The following TSC22D1 variants were observed in gnomAD, a reference collection of about 807,000 sequenced individuals.
TSC22D1 encodes the protein TSC22 domain family protein 1.
TSC22D1 carries 9 observed loss-of-function variants against 74.2 expected under a neutral mutation model. That is an observed-to-expected ratio of 0.12 (90% CI 0.07 to 0.21). The LOEUF (loss-of-function observed/expected upper bound fraction) is 0.21. TSC22D1 is among the 10% of genes least tolerant of loss of function. The probability of loss-of-function intolerance (pLI) is 1.00; values close to 1 mark genes in which losing one functional copy is unlikely to be tolerated. For synonymous variants in TSC22D1, 586 were observed against 492.5 expected, an observed-to-expected ratio of 1.19 and a Z score of -2.51; for missense variants, 1,427 against 1,304.7, an observed-to-expected ratio of 1.09 and a Z score of -1.44.
At chr13:44,538,010 A>G in intron 1 of TSC22D1, 1 of 985,328 alleles carries the variant, frequency 1.0e-6, no homozygotes, top group Non-Finnish European at 1.2e-6. Context: ...GATACCAAAG[A>G]AAGAAACAGA....
At chr13:44,446,875 C>A (rs1566115980) in intron 1 of TSC22D1, among the ~76,000 whole-genome samples, 3 of 151,610 alleles carry the variant, frequency 2.0e-5, no homozygotes, top group South Asian at 2.1e-4. Context: ...GAAAAAGAAA[C>A]ATATTTTTAA....
intron 1 of TSC22D1, among the ~76,000 whole-genome samples, chr13:44,545,883 A>G (rs1362351528): frequency 6.6e-6 from 1 of 152,190 alleles, no homozygotes; most frequent in Non-Finnish European, 1.5e-5. Context: ...AGGCTGAAGC[A>G]CAAGAATCAC....
At chr13:44,444,433 A>G (rs1351704415) in intron 1 of TSC22D1, among the ~76,000 whole-genome samples, 5 of 151,946 alleles carry the variant, frequency 3.3e-5, no homozygotes, top group Non-Finnish European at 5.9e-5. Context: ...TATACTGCCT[A>G]TAAGAAATAG....
At chr13:44,459,489 C>CA (rs2138945062) in intron 1 of TSC22D1, among the ~76,000 whole-genome samples, 1 of 152,316 alleles carries the variant, frequency 6.6e-6, no homozygotes, top group Admixed American at 6.5e-5. Flanking sequence ...GCTCTCCCTC[C>CA]AGTTGTCCAC....
At chr13:44,453,208 G>A (rs1222033680) in intron 1 of TSC22D1, among the ~76,000 whole-genome samples, 3 of 152,142 alleles carry the variant, frequency 2.0e-5, no homozygotes, top group African/African-American at 7.2e-5. Context: ...AAACTGTTCT[G>A]TTAAGCTAAT....
chr13:44,459,247 C>T (rs73188738), intron 1 of TSC22D1, among the ~76,000 whole-genome samples: 3 of 152,306 alleles, frequency 2.0e-5, no homozygotes, highest in Non-Finnish European at 4.4e-5. Flanking sequence ...GTCTGCTCGA[C>T]TTGTGGGGAA....
chr13:44,500,106 AAAAAAGAAAAG>A (rs953189786), intron 1 of TSC22D1, among the ~76,000 whole-genome samples: 3 of 151,570 alleles, frequency 2.0e-5, no homozygotes, highest in African/African-American at 7.3e-5. Context: ...AAAAAAAAAA[AAAAAAGAAAAG>A]AAAAAGAAAA....
At chr13:44,517,051 T>C (rs1266235204) in intron 1 of TSC22D1, among the ~76,000 whole-genome samples, 1 of 152,178 alleles carries the variant, frequency 6.6e-6, no homozygotes, top group Non-Finnish European at 1.5e-5. Context: ...CTTCCTGGTC[T>C]GAGATCAATG....
At chr13:44,467,789 C>T (rs1877373963) in intron 1 of TSC22D1, among the ~76,000 whole-genome samples, 1 of 152,168 alleles carries the variant, frequency 6.6e-6, no homozygotes, top group South Asian at 2.1e-4. Context: ...CATTTATACA[C>T]TGTTGGTGGG....
intron 1 of TSC22D1, among the ~76,000 whole-genome samples, chr13:44,559,686 A>G (rs1040067862): frequency 2.1e-5 from 3 of 142,500 alleles, no homozygotes; most frequent in Non-Finnish European, 3.1e-5. Flanking sequence ...GCCCAGCCCA[A>G]AAATTTCTTT....
At chr13:44,443,931 G>A (rs1875404507) in intron 1 of TSC22D1, among the ~76,000 whole-genome samples, 1 of 152,060 alleles carries the variant, frequency 6.6e-6, no homozygotes, top group Admixed American at 6.5e-5. Flanking sequence ...AAGAGGAAAA[G>A]GGGAATAAAG....
chr13:44,494,153 A>G (rs1003702179), intron 1 of TSC22D1, among the ~76,000 whole-genome samples: 4 of 152,034 alleles, frequency 2.6e-5, no homozygotes, highest in African/African-American at 9.7e-5. Context: ...AGGCAGGCGG[A>G]TCACTTGAGG....
At chr13:44,481,528 C>T (rs1049304605) in intron 1 of TSC22D1, among the ~76,000 whole-genome samples, 18 of 152,296 alleles carry the variant, frequency 1.2e-4, no homozygotes, top group African/African-American at 4.3e-4. Context: ...AGAACACTAG[C>T]CTCAGTCAGT....
chr13:44,445,278 T>C (rs1875546954), intron 1 of TSC22D1, among the ~76,000 whole-genome samples: 1 of 149,662 alleles, frequency 6.7e-6, no homozygotes, highest in African/African-American at 2.5e-5. Flanking sequence ...TCCACAAATA[T>C]GTAAAGCAAT....
rs547176699 is a variant in TSC22D1 at position 44,556,233 on chromosome 13, A to C, written c.2912+16930T>G. Reference sequence around the variant, plus strand: ...AAAACAGTTCTACTGTTAAAAAAAAAAAACAAACCACCACCACCACCATCT... The same window carrying C: ...AAAACAGTTCTACTGTTAAAAAAAACAAACAAACCACCACCACCACCATCT... On this transcript the variant is annotated intron_variant, in intron 1 of 2. Coordinates refer to ENST00000458659, the MANE Select transcript of TSC22D1 (RefSeq NM_183422.4). Among the ~76,000 whole-genome samples the C allele has an allele frequency of 3.9e-5, 6 of 151,950 alleles. No individual in the cohort carries two copies. In the East Asian group the frequency reaches 7.7e-4, roughly 20 times the overall value.
chr13:44,448,891 CCGTGTGTGTG>C lies in TSC22D1; in HGVS notation c.2913-12806_2913-12797del, dbSNP rs796747449. On this transcript the variant is annotated intron_variant, in intron 1 of 2. Coordinates refer to ENST00000458659, the MANE Select transcript of TSC22D1 (RefSeq NM_183422.4). ...GAAGTGCACACCAGAAATTCTAGATCCGTGTGTGTGTGTGTGTGTGTGTGTAAGATGTTAG... is the reference window on the plus strand; with the variant it reads ...GAAGTGCACACCAGAAATTCTAGATCTGTGTGTGTGTGTGTAAGATGTTAG... 3.5e-4 allele frequency among the ~76,000 whole-genome samples: 16 copies of C among 46,082 alleles called. 1 individual carries two copies. Among genetic ancestry groups the C allele is most frequent in the African/African-American group, 1.2e-3 (16 of 13,892 alleles). 30.2% of individuals were successfully genotyped at this position (46,082 alleles called of 152,430 possible).
chr13:44,511,852 T>C (rs1028309555), intron 1 of TSC22D1, among the ~76,000 whole-genome samples: 5 of 152,198 alleles, frequency 3.3e-5, no homozygotes, highest in Admixed American at 6.5e-5. Context: ...TTATATTTGG[T>C]TAAGTGAAGA....
At chr13:44,471,754 TGA>T (rs1354235730) in intron 1 of TSC22D1, among the ~76,000 whole-genome samples, 1 of 152,214 alleles carries the variant, frequency 6.6e-6, no homozygotes, top group Non-Finnish European at 1.5e-5. Context: ...AATAAAATAT[TGA>T]AAGCTTATCC....
chr13:44,572,380 G>A (rs1040030642), intron 1 of TSC22D1, among the ~76,000 whole-genome samples: 2 of 152,196 alleles, frequency 1.3e-5, no homozygotes, highest in Admixed American at 6.5e-5. Flanking sequence ...AACAGGTGGA[G>A]TAGATTAGCC....
Sources: allele counts gnomAD v4.1 joint callset (sites outside exome capture counted in the v4.1 genomes callset), GRCh38; gene constraint gnomAD v4.1.1; transcripts MANE v1.5; gene names NCBI Gene and HGNC (gene_info 2026-07-23, HGNC 2026-07-21).